SDK1: variants seen among roughly 807,000 people sequenced by gnomAD.
SDK1 encodes the protein protein sidekick-1.
In SDK1, 157 loss-of-function variants were observed where a neutral mutation model predicts 245.5. The observed-to-expected ratio is 0.64, with a 90% CI of 0.56 to 0.73. The LOEUF (loss-of-function observed/expected upper bound fraction) is 0.73. Ranked by LOEUF, SDK1 falls within the 30% of genes least tolerant of loss-of-function variation. SDK1 has a pLI of 0.00. For missense variants in SDK1, 3,583 were observed against 3,002.3 expected (o/e 1.19, Z -4.52); for synonymous variants, 1,647 against 1,278.5 (o/e 1.29, Z -6.15).
At chr7:4,206,804 A>G (rs1031804277) in intron 36 of SDK1, among the ~76,000 whole-genome samples, 2 of 152,166 alleles carry the variant, frequency 1.3e-5, no homozygotes, top group South Asian at 2.1e-4. Context: ...CAAGTCGATC[A>G]GTCATCAGAT....
chr7:4,137,027 C>G (rs1247875172), intron 28 of SDK1, among the ~76,000 whole-genome samples: 1 of 152,246 alleles, frequency 6.6e-6, no homozygotes, highest in Non-Finnish European at 1.5e-5. Context: ...GCACGTGCCC[C>G]AGATGGTCGT....
At position 4,265,450 on chromosome 7, in the gene SDK1, C is replaced by T; in HGVS notation, c.*66C>T. 2 of 1,393,866 alleles carry T rather than the reference C, an allele frequency of 1.4e-6. No individual in the cohort carries two copies. Among genetic ancestry groups the T allele is most frequent in the South Asian group, 1.6e-5 (1 of 62,748 alleles). The allele number at this position is 1,393,866 out of a possible 1,614,324, so 86.3% of individuals were successfully genotyped here. ...TTTCCGGAGTCTATTTTTGTTAAGA[C>T]AATCAACTCCAATAACTGAGCTGAA... On this transcript the variant is annotated 3_prime_UTR_variant, in exon 45 of 45. Transcript: ENST00000404826.
chr7:3,408,473 G>A (rs2128576458), intron 1 of SDK1, among the ~76,000 whole-genome samples: 1 of 152,218 alleles, frequency 6.6e-6, no homozygotes, highest in African/African-American at 2.4e-5. Context: ...TTAGACACTG[G>A]TTATTATTTC....
intron 4 of SDK1, among the ~76,000 whole-genome samples, chr7:3,786,161 C>G (rs1330746825): frequency 6.6e-6 from 1 of 152,180 alleles, no homozygotes; most frequent in Non-Finnish European, 1.5e-5. Context: ...ATCTCTTTTA[C>G]TCTTTCCCTT....
At chr7:3,726,128 A>G (rs1156309136) in intron 4 of SDK1, among the ~76,000 whole-genome samples, 1 of 152,236 alleles carries the variant, frequency 6.6e-6, no homozygotes, top group Non-Finnish European at 1.5e-5. Context: ...TCGACTTTAT[A>G]GAGAAGGATC....
At chr7:3,948,912 C>T (rs1780685128) in intron 5 of SDK1, among the ~76,000 whole-genome samples, 1 of 152,148 alleles carries the variant, frequency 6.6e-6, no homozygotes, top group Non-Finnish European at 1.5e-5. Flanking sequence ...TTAGCCACTG[C>T]CTCCCTTCAC....
At chr7:4,023,247 C>A (rs1787072204) in intron 17 of SDK1, among the ~76,000 whole-genome samples, 1 of 152,154 alleles carries the variant, frequency 6.6e-6, no homozygotes, top group Non-Finnish European at 1.5e-5. Context: ...ATCCACCATC[C>A]CCCATTATCT....
chr7:3,786,069 G>A (rs1455994442), intron 4 of SDK1, among the ~76,000 whole-genome samples: 6 of 152,162 alleles, frequency 3.9e-5, no homozygotes, highest in African/African-American at 1.4e-4. Flanking sequence ...AGCTGGGATT[G>A]CAGTGAAATA....
intron 20 of SDK1, among the ~76,000 whole-genome samples, chr7:4,076,001 A>G (rs972229196): frequency 6.6e-5 from 10 of 152,102 alleles, no homozygotes; most frequent in African/African-American, 2.4e-4. Context: ...CAGGTTGAAT[A>G]AATTTTCGTC....
intron 5 of SDK1, among the ~76,000 whole-genome samples, chr7:3,847,319 C>G (rs1184669153): frequency 6.6e-6 from 1 of 152,230 alleles, no homozygotes; most frequent in Non-Finnish European, 1.5e-5. Context: ...CGCCATAAAC[C>G]TAGAAATCCT....
intron 4 of SDK1, among the ~76,000 whole-genome samples, chr7:3,707,486 G>C (rs1784923419): frequency 6.6e-6 from 1 of 152,154 alleles, no homozygotes; most frequent in Non-Finnish European, 1.5e-5. Context: ...GTCTATCTTG[G>C]AGACTGTTCC....
chr7:3,490,654 C>G (rs1163072264), intron 1 of SDK1, among the ~76,000 whole-genome samples: 8 of 152,188 alleles, frequency 5.3e-5, no homozygotes, highest in Non-Finnish European at 1.5e-5. Context: ...CTTAAACAGA[C>G]TAATTGAAAT....
intron 4 of SDK1, among the ~76,000 whole-genome samples, chr7:3,683,995 G>T (rs1465352352): frequency 6.6e-6 from 1 of 152,182 alleles, no homozygotes; most frequent in African/African-American, 2.4e-5. Context: ...GCTGGTTTCA[G>T]CGGGCAGAAT....
intron 38 of SDK1, among the ~76,000 whole-genome samples, chr7:4,215,815 C>G (rs920659390): frequency 6.6e-6 from 1 of 152,182 alleles, no homozygotes; most frequent in African/African-American, 2.4e-5. Context: ...GGGGTCCTGA[C>G]TATCGGCTGG....
chr7:3,870,791 T>A (rs1375725516), intron 5 of SDK1, among the ~76,000 whole-genome samples: 4 of 152,200 alleles, frequency 2.6e-5, no homozygotes, highest in Non-Finnish European at 5.9e-5. Context: ...CCACTAATGT[T>A]TTTTGTCTGT....
rs1195817461 is a variant in SDK1, at chr7:4,029,226, T to TG, written c.2602+11874_2602+11875insG. Among the ~76,000 whole-genome samples the TG allele has an allele frequency of 4.8e-5, 5 of 103,912 alleles. 1 individual carries two copies. Among genetic ancestry groups the TG allele is most frequent in the Non-Finnish European group, 7.3e-5 (4 of 54,696 alleles). 68.2% of individuals were successfully genotyped at this position (103,912 alleles called of 152,430 possible). A position where few individuals can be genotyped will look rare whatever the true frequency, so the allele number is the denominator to read the frequency against. ...TCTTTTATTCTTTCTTTTTTTTTTT[T>TG]TTTGTGAAGAAGTCTCACTCTGTCA... On this transcript the variant is annotated intron_variant, in intron 17 of 44. Transcript: ENST00000404826.
intron 4 of SDK1, among the ~76,000 whole-genome samples, chr7:3,661,366 G>A (rs1364772091): frequency 1.3e-5 from 2 of 152,188 alleles, no homozygotes; most frequent in Non-Finnish European, 2.9e-5. Flanking sequence ...CAGTACTTGT[G>A]CTAATTAAAG....
At chr7:3,402,466 T>G (rs1459673996) in intron 1 of SDK1, among the ~76,000 whole-genome samples, 2 of 152,218 alleles carry the variant, frequency 1.3e-5, no homozygotes, top group Non-Finnish European at 2.9e-5. Flanking sequence ...TATTATGATT[T>G]TATGACTTCC....
chr7:3,874,267 C>T (rs1168883196), intron 5 of SDK1, among the ~76,000 whole-genome samples: 2 of 152,178 alleles, frequency 1.3e-5, no homozygotes, highest in African/African-American at 4.8e-5. Context: ...GACTTGTCTC[C>T]GTATCTGCTC....
Sources: gnomAD v4.1 joint callset for allele counts (sites outside exome capture counted in the v4.1 genomes callset) on GRCh38, gnomAD v4.1.1 for gene constraint, MANE v1.5 for transcripts, NCBI Gene and HGNC (gene_info 2026-07-23, HGNC 2026-07-21) for gene names.